FAM163A: variants seen among roughly 807,000 people sequenced by gnomAD.
The protein encoded by FAM163A is family with sequence similarity 163 member A, also known as protein FAM163A.
In FAM163A, 7 loss-of-function variants were observed where a neutral mutation model predicts 12.0. The observed-to-expected ratio is 0.58, with a 90% CI of 0.33 to 1.10. The LOEUF (loss-of-function observed/expected upper bound fraction) is 1.10, where lower values mean the gene tolerates loss of function less well. Among genes scored for constraint, FAM163A ranks in the 50% least tolerant of loss-of-function variants. The pLI is 0.03. For missense variants in FAM163A, 202 were observed against 218.6 expected, an observed-to-expected ratio of 0.92 and a Z score of 0.48; for synonymous variants, 101 against 91.0, an observed-to-expected ratio of 1.11 and a Z score of -0.62.
chr1:179,733,872 G>A, the FAM163A span, among the ~76,000 whole-genome samples: 10 of 152,156 alleles, frequency 6.6e-5, no homozygotes, highest in African/African-American at 2.4e-4. Flanking sequence ...CCATATCCCT[G>A]TATCCACTGT....
At chr1:179,798,545 G>A (rs116145495) in intron 1 of FAM163A, among the ~76,000 whole-genome samples, 2,792 of 152,348 alleles carry the variant, frequency 0.018, 52 homozygotes, top group African/African-American at 0.046. Flanking sequence ...CCTCCTCGGG[G>A]CACTTTTGCC....
At chr1:179,788,389 GGAAGATTCCTCACCCT>G (rs1486376485) in intron 1 of FAM163A, among the ~76,000 whole-genome samples, 2 of 152,176 alleles carry the variant, frequency 1.3e-5, no homozygotes, top group Admixed American at 1.3e-4. Context: ...TTCCTCCTAG[GGAAGATTCCTCACCCT>G]GAAGCTCACA....
At chr1:179,797,178 G>A (rs1255343018) in intron 1 of FAM163A, among the ~76,000 whole-genome samples, 1 of 152,200 alleles carries the variant, frequency 6.6e-6, no homozygotes, top group African/African-American at 2.4e-5. Flanking sequence ...CAGGTGCGAC[G>A]GCTCACACCT....
chr1:179,770,875 A>G (rs143869895), intron 1 of FAM163A, among the ~76,000 whole-genome samples: 1 of 152,270 alleles, frequency 6.6e-6, no homozygotes, highest in Non-Finnish European at 1.5e-5. Flanking sequence ...CTGACTGAAT[A>G]TATTTGATTT....
chr1:179,755,613 T>C (rs1021183724), intron 1 of FAM163A, among the ~76,000 whole-genome samples: 1 of 152,184 alleles, frequency 6.6e-6, no homozygotes, highest in Non-Finnish European at 1.5e-5. Context: ...TTTTGCAAGA[T>C]AATGGAAATA....
At chr1:179,812,157 T>C (rs966542392) in intron 3 of FAM163A, 26 bp downstream of exon 3, 1 of 152,686 alleles carries the variant, frequency 6.5e-6, no homozygotes, top group African/African-American at 2.4e-5. Flanking sequence ...CATTTTTCCA[T>C]CTCCAAGATG....
intron 1 of FAM163A, among the ~76,000 whole-genome samples, chr1:179,773,850 C>T (rs1018418925): frequency 6.6e-6 from 1 of 152,238 alleles, no homozygotes; most frequent in Non-Finnish European, 1.5e-5. Flanking sequence ...CTTTTACCTT[C>T]AGAAGCCTCC....
chr1:179,744,516 A>G (rs1180291153), intron 1 of FAM163A, among the ~76,000 whole-genome samples: 2 of 152,138 alleles, frequency 1.3e-5, no homozygotes, highest in African/African-American at 2.4e-5. Flanking sequence ...GAGGGAAGTC[A>G]GGGGTGCAGA....
intron 1 of FAM163A, among the ~76,000 whole-genome samples, chr1:179,805,484 C>A (rs1321688049): frequency 4.0e-5 from 6 of 151,452 alleles, no homozygotes; most frequent in Admixed American, 6.6e-5. Flanking sequence ...TGCAGTGAGC[C>A]GAGATTGTGC....
chr1:179,756,282 C>A (rs985645326), intron 1 of FAM163A, among the ~76,000 whole-genome samples: 3 of 151,926 alleles, frequency 2.0e-5, no homozygotes, highest in Non-Finnish European at 2.9e-5. Flanking sequence ...TAATGAGGAG[C>A]CAAATGGAGA....
At chr1:179,812,815 G>A (rs933078559) in intron 3 of FAM163A, among the ~76,000 whole-genome samples, 1 of 152,208 alleles carries the variant, frequency 6.6e-6, no homozygotes, top group African/African-American at 2.4e-5. Context: ...TGACGGGAGA[G>A]GAAAGGCGAG....
intron 1 of FAM163A, among the ~76,000 whole-genome samples, chr1:179,805,635 C>T (rs1341865053): frequency 1.3e-5 from 2 of 152,158 alleles, no homozygotes; most frequent in African/African-American, 2.4e-5. Flanking sequence ...CAGTTTCTCT[C>T]TGCTCAAGCT....
intron 1 of FAM163A, among the ~76,000 whole-genome samples, chr1:179,757,673 G>A (rs1330709262): frequency 6.6e-6 from 1 of 152,130 alleles, no homozygotes; most frequent in African/African-American, 2.4e-5. Flanking sequence ...TTAGCCAGGC[G>A]TGGTGGCACA....
At chr1:179,756,511 A>G (rs1686044109) in intron 1 of FAM163A, among the ~76,000 whole-genome samples, 1 of 152,040 alleles carries the variant, frequency 6.6e-6, no homozygotes, top group Admixed American at 6.5e-5. Context: ...GAGGAAAAGT[A>G]CTCTGGGGGA....
intron 1 of FAM163A, among the ~76,000 whole-genome samples, chr1:179,800,198 C>G (rs1200994475): frequency 6.6e-6 from 1 of 152,206 alleles, no homozygotes; most frequent in Non-Finnish European, 1.5e-5. Context: ...GGGCCCACAG[C>G]CAGGTTCTCA....
intron 4 of FAM163A, 115 bp from the exon 5 acceptor site, chr1:179,813,664 G>A (rs1695001985): frequency 1.6e-6 from 2 of 1,233,602 alleles, no homozygotes; most frequent in African/African-American, 1.5e-5. Flanking sequence ...GGGGTTCAGT[G>A]CCTGGCACTA....
chr1:179,797,119 C>G (rs959770868), intron 1 of FAM163A, among the ~76,000 whole-genome samples: 1 of 152,124 alleles, frequency 6.6e-6, no homozygotes, highest in Non-Finnish European at 1.5e-5. Flanking sequence ...GCAGGACTGC[C>G]CCCTGCAGAG....
chr1:179,758,778 C>T (rs770153574), intron 1 of FAM163A, among the ~76,000 whole-genome samples: 7 of 152,180 alleles, frequency 4.6e-5, no homozygotes, highest in Non-Finnish European at 1.0e-4. Flanking sequence ...TCCTTGAATC[C>T]TCCACCCCTG....
intron 1 of FAM163A, among the ~76,000 whole-genome samples, chr1:179,800,675 T>C (rs151023004): frequency 0.014 from 2,175 of 152,312 alleles, 29 homozygotes; most frequent in African/African-American, 0.035. Context: ...GTGTCCCTGG[T>C]GCTGGGCTCC....
Sources: allele counts gnomAD v4.1 joint callset (sites outside exome capture counted in the v4.1 genomes callset), GRCh38; gene constraint gnomAD v4.1.1; transcripts MANE v1.5; gene names NCBI Gene and HGNC (gene_info 2026-07-23, HGNC 2026-07-21).